The following CPSF1 variants were observed in gnomAD, a reference collection of about 807,000 sequenced individuals.
CPSF1 encodes cleavage and polyadenylation specific factor 1, also known as cleavage and polyadenylation specificity factor subunit 1.
In CPSF1, 106 loss-of-function variants were observed where a neutral mutation model predicts 175.8. The observed-to-expected ratio is 0.60, with a 90% CI of 0.52 to 0.71. The LOEUF (loss-of-function observed/expected upper bound fraction) is 0.71, where lower values mean the gene tolerates loss of function less well. CPSF1 is among the 30% of genes least tolerant of loss of function. CPSF1 has a pLI of 0.00. For synonymous variants in CPSF1, 1,024 were observed against 858.3 expected, an observed-to-expected ratio of 1.19 and a Z score of -3.37; for missense variants, 1,734 against 2,022.9, an observed-to-expected ratio of 0.86 and a Z score of 2.74.
In CPSF1 at chr8:144,401,688, A is replaced by G; in HGVS notation, c.145-15T>C. The G allele has an allele frequency of 6.2e-7, 1 of 1,602,120 alleles. No individual in the cohort carries two copies. Among genetic ancestry groups the G allele is most frequent in the Middle Eastern group, 1.7e-4 (1 of 5,910 alleles). On this transcript the variant is annotated splice_polypyrimidine_tract_variant and intron_variant, in intron 2 of 37. Transcript: ENST00000616140. Reference sequence around the variant, plus strand: ...TTGGTCAGAGCCTGGAGGGGAGAGAAAGACAGGGCAGTGAGGGGCCACATC... The same window carrying G: ...TTGGTCAGAGCCTGGAGGGGAGAGAGAGACAGGGCAGTGAGGGGCCACATC...
chr8:144,395,746 C>A lies in CPSF1; in HGVS notation c.2980-195G>T, dbSNP rs1256690951. On this transcript the variant is annotated intron_variant, in intron 26 of 37. Coordinates refer to ENST00000616140, the MANE Select transcript of CPSF1 (RefSeq NM_013291.3). ...CTGGGGCTCCTCCTGTCCATTTTCC[C>A]ACGCTCAGCTGGGGCTAGGGGTGCT... is the stretch of plus-strand genomic sequence containing the variant. The A allele has an allele frequency of 1.5e-5, 9 of 605,638 alleles. No individual in the cohort carries two copies. The East Asian group carries it at 2.5e-4, about 17-fold the overall frequency. 37.5% of individuals were successfully genotyped at this position (605,638 alleles called of 1,614,324 possible).
chr8:144,399,237 G>C lies in CPSF1; in HGVS notation c.1393-35C>G. The stretch of plus-strand genomic sequence containing the variant: ...AGCAAGAGTCAGGGGCCCGCTGGGG[G>C]CGCTGGCTGGGACGGGGGCCCTGCT... On this transcript the variant is annotated intron_variant, in intron 14 of 37. Transcript: ENST00000616140. The surrounding 1 kb of genome is among the most constrained non-coding windows in gnomAD (Gnocchi z 6.4). The C allele has an allele frequency of 6.2e-7, 1 of 1,611,922 alleles. No individual in the cohort carries two copies. The highest frequency in any genetic ancestry group is 8.5e-7 in the Non-Finnish European group (1 of 1,179,648).
In CPSF1 at chr8:144,394,810, G is replaced by A. The variant is rs1408941474; in HGVS notation, c.3415-14C>T. The stretch of plus-strand genomic sequence containing the variant: ...CATGATCAAGATCTGGAGGGCATGG[G>A]TATGGCTGTGGGATGGCTGTGGGGA... On this transcript the variant is annotated splice_polypyrimidine_tract_variant and intron_variant, in intron 30 of 37. Coordinates refer to ENST00000616140, the MANE Select transcript of CPSF1 (RefSeq NM_013291.3). The A allele has an allele frequency of 6.2e-7, 1 of 1,613,410 alleles. No homozygotes were observed. The highest frequency in any genetic ancestry group is 2.2e-5 in the East Asian group (1 of 44,878).
Position 144,397,357 on chromosome 8 carries a change from C to T in CPSF1, c.2442G>A (p.Gly814=), listed in dbSNP as rs1554864339. Residue 814 remains glycine (G), a synonymous_variant, in exon 23 of 38, where the codon GGG becomes GGA. Transcript: ENST00000616140. ...LVFLVKNFPV[G]QRVLVDSSFG... The stretch of plus-strand genomic sequence containing the variant: ...AGGAGCTGTCCACAAGGACCCGCTG[C>T]CCCACAGGGAAGTTCTTCACCAGGA... The T allele has an allele frequency of 2.6e-6, 4 of 1,564,738 alleles. No homozygotes were observed. The highest frequency in any genetic ancestry group is 3.5e-6 in the Non-Finnish European group (4 of 1,155,120).
In CPSF1 at chr8:144,393,515, G is replaced by A. The variant is rs782299673; in HGVS notation, c.4221C>T (p.Tyr1407=). The A allele has an allele frequency of 1.3e-6, 2 of 1,591,626 alleles. No homozygotes were observed. Among genetic ancestry groups the A allele is most frequent in the Admixed American group, 1.8e-5 (1 of 55,874 alleles). ...NVLDGELLNR[Y]LYLSTMERSE... ...TGCGCTCCATGGTGCTCAGGTACAG[G>A]TAGCGGTTGAGCAGCTCCCCATCCA... The change falls in exon 37 of 38, where the codon TAC becomes TAT. Residue 1407 remains tyrosine (Y), a synonymous_variant. Coordinates refer to ENST00000616140, the MANE Select transcript of CPSF1 (RefSeq NM_013291.3).
chr8:144,407,588 G>T (rs565224968), intron 2 of CPSF1, among the ~76,000 whole-genome samples: 4 of 152,122 alleles, frequency 2.6e-5, no homozygotes, highest in Non-Finnish European at 5.9e-5. Context: ...TTGGTGGAGG[G>T]TTTAGGGAGC....
At position 144,393,261 on chromosome 8, in the gene CPSF1, G is replaced by A. The variant is rs1237358496; in HGVS notation, c.*57C>T. ...CAAAAAATGTTTTTCCTTGTGTTTT[G>A]TACAAAAAGGGGGTGGGAGGTAGTT... On this transcript the variant is annotated 3_prime_UTR_variant, in exon 38 of 38. Transcript: ENST00000616140. The A allele has an allele frequency of 1.4e-6, 2 of 1,446,154 alleles. No individual in the cohort carries two copies. Among genetic ancestry groups the A allele is most frequent in the South Asian group, 2.8e-5 (2 of 70,270 alleles). 89.6% of individuals were successfully genotyped at this position (1,446,154 alleles called of 1,614,324 possible). A position where few individuals can be genotyped will look rare whatever the true frequency, so the allele number is the denominator to read the frequency against.
intron 9 of CPSF1, 31 bp downstream of exon 9, chr8:144,400,135 G>GGGGGGCCGCCCCCC: frequency 1.1e-6 from 1 of 896,012 alleles, no homozygotes; most frequent in Non-Finnish European, 1.6e-6. Flanking sequence ...CCGTCCCCGG[G>GGGGGGCCGCCCCCC]CCCCCCCCGC....
chr8:144,398,370 G>A lies in CPSF1; in HGVS notation c.1826C>T (p.Ala609Val). The part of the protein sequence containing the change: ...GFATQGPTVF[A>V]GNIGDNRYIV... ...GTAGCGGTTGTCCCCGATGTTCCCAGCAAAGACCGTGGGGCCCTGAGTGGC... is the reference window on the plus strand; with the variant it reads ...GTAGCGGTTGTCCCCGATGTTCCCAACAAAGACCGTGGGGCCCTGAGTGGC... Residue 609 changes from alanine to valine, a missense_variant, in exon 19 of 38, where the codon GCT becomes GTT. Physicochemically the swap from Ala to Val is moderately conservative, Grantham distance 64. Around this residue, in one of 10 missense-constraint regions of CPSF1, gnomAD observed 280 missense variants for 349.2 expected, o/e 0.80. Coordinates refer to ENST00000616140, the MANE Select transcript of CPSF1 (RefSeq NM_013291.3). The A allele has an allele frequency of 6.2e-7, 1 of 1,608,758 alleles. No homozygotes were observed.
Position 144,396,679 on chromosome 8 carries a change from A to C in CPSF1, c.2745T>G (p.Gly915=). 1 of 1,613,780 alleles carries C rather than the reference A, an allele frequency of 6.2e-7. No individual in the cohort carries two copies. The highest frequency in any genetic ancestry group is 8.5e-7 in the Non-Finnish European group (1 of 1,179,986). Residue 915 remains glycine (G), a synonymous_variant, in exon 25 of 38, where the codon GGT becomes GGG. Transcript: ENST00000616140. ...CCCCAGCCCCCTCCTCTGCGCCGCCACCTTCTGCTTTCTTCTTGGATGGCT... is the reference window on the plus strand; with the variant it reads ...CCCCAGCCCCCTCCTCTGCGCCGCCCCCTTCTGCTTTCTTCTTGGATGGCT... ...KPKPSKKKAE[G]GGAEEGAGAR...
intron 4 of CPSF1, 22 bp from the exon 5 acceptor site, chr8:144,401,313 G>A (rs1321471333): frequency 8.8e-6 from 14 of 1,585,460 alleles, no homozygotes; most frequent in Middle Eastern, 1.7e-4. Flanking sequence ...GGGCACAGCC[G>A]TGGCTGCCGA....
In CPSF1 at chr8:144,400,134, G is replaced by GCCCCCCCCCCCCCCCCCC. The variant is rs782373475; in HGVS notation, c.937+31_937+32insGGGGGGGGGGGGGGGGGG. 7.1e-5 allele frequency: 69 copies of GCCCCCCCCCCCCCCCCCC among 966,526 alleles called. 3 individuals are homozygous for GCCCCCCCCCCCCCCCCCC. The highest frequency in any genetic ancestry group is 1.9e-4 in the African/African-American group (8 of 42,724). The allele number at this position is 966,526 out of a possible 1,614,324, so 59.9% of individuals were successfully genotyped here. On this transcript the variant is annotated intron_variant, in intron 9 of 37. Coordinates refer to ENST00000616140, the MANE Select transcript of CPSF1 (RefSeq NM_013291.3). The stretch of plus-strand genomic sequence containing the variant: ...ACTAGGCAGGCCCAAGCCGTCCCCG[G>GCCCCCCCCCCCCCCCCCC]GCCCCCCCCGCCCCAGCCACCCCAC...
Position 144,396,433 on chromosome 8 carries a change from G to C in CPSF1, c.2894C>G (p.Pro965Arg). The C allele has an allele frequency of 6.3e-7, 1 of 1,596,300 alleles. No individual in the cohort carries two copies. Residue 965 changes from proline to arginine, a missense_variant, in exon 26 of 38, where the codon CCC (proline) becomes CGC (arginine). This residue lies in a region of CPSF1 where 585 missense variants were observed against 584.7 expected (regional missense o/e 1.00). Coordinates refer to ENST00000616140, the MANE Select transcript of CPSF1 (RefSeq NM_013291.3). ...GTCGACCGGGCCGTCGATGGCCATG[G>C]GGTGTAGCCGCAGAGCCCCTCGGCC... The part of the protein sequence containing the change: ...VTGRGALRLH[P>R]MAIDGPVDSF...
chr8:144,401,751 C>A, intron 2 of CPSF1, 78 bp from the exon 3 acceptor site: 1 of 1,450,488 alleles, frequency 6.9e-7, no homozygotes, highest in South Asian at 1.3e-5. Flanking sequence ...GAAAAGACCA[C>A]CAAGCCTGGC....
rs781945845 is a variant in CPSF1 at position 144,393,635 on chromosome 8, G to A, written c.4145+32C>T. 1.1e-5 allele frequency: 18 copies of A among 1,585,468 alleles called. No individual in the cohort carries two copies. The East Asian group carries it at 2.7e-4, about 24-fold the overall frequency. On this transcript the variant is annotated intron_variant, in intron 36 of 37. Coordinates refer to ENST00000616140, the MANE Select transcript of CPSF1 (RefSeq NM_013291.3). ...GTGTCAGGGCAGGCTGGGGTGGAGG[G>A]GGTGCTGCACGGGGGCGGGGCCGGG...
In CPSF1 at chr8:144,398,811, A is replaced by C; in HGVS notation, c.1606T>G (p.Trp536Gly). 2 of 1,607,626 alleles carry C rather than the reference A, an allele frequency of 1.2e-6. No homozygotes were observed. The highest frequency in any genetic ancestry group is 1.7e-6 in the Non-Finnish European group (2 of 1,175,676). Residue 536 changes from tryptophan (W) to glycine (G), a missense_variant, in exon 17 of 38, where the codon TGG becomes GGG. Trp to Gly is a radical substitution (Grantham distance 184, BLOSUM62 -2). Coordinates refer to ENST00000616140, the MANE Select transcript of CPSF1 (RefSeq NM_013291.3). ...TFELPGCYDM[W>G]TVIAPVRKEE... ...TTACGCACCGGGGCGATGACTGTCC[A>C]CATGTCATAGCAGCCGGGAAGCTCA...
At position 144,398,540 on chromosome 8, in the gene CPSF1, C is replaced by G; in HGVS notation, c.1737G>C (p.Arg579=). 1 of 1,613,856 alleles carries G rather than the reference C, an allele frequency of 6.2e-7. No individual in the cohort carries two copies. The highest frequency in any genetic ancestry group is 1.1e-5 in the South Asian group (1 of 91,076). Residue 579 remains arginine (R), a synonymous_variant, in exon 18 of 38, where the codon CGG becomes CGC. Coordinates refer to ENST00000616140, the MANE Select transcript of CPSF1 (RefSeq NM_013291.3). The part of the protein sequence containing the change: ...GRRHGFLILS[R]EDSTMILQTG... ...TGCCCCTCACCATGGTGGAGTCTTC[C>G]CGGCTCAGAATCAGGAATCCGTGTC...
In CPSF1 at chr8:144,398,432, C is replaced by T. The variant is rs200532283; in HGVS notation, c.1764G>A (p.Thr588=). 21 of 1,613,866 alleles carry T rather than the reference C, an allele frequency of 1.3e-5. No individual in the cohort carries two copies. The highest frequency in any genetic ancestry group is 1.1e-4 in the East Asian group (5 of 44,882). The change falls in exon 19 of 38, where the codon ACG becomes ACA. Residue 588 remains threonine, a synonymous_variant. Transcript: ENST00000616140. The part of the protein sequence containing the change: ...SREDSTMILQ[T]GQEIMELDTS... ...TGTCCAGCTCCATGATCTCCTGCCC[C>T]GTCTGCAGGATCTGCGGGCGACAGC...
At position 144,395,270 on chromosome 8, in the gene CPSF1, T is replaced by C. The variant is rs1554863299; in HGVS notation, c.3182A>G (p.Glu1061Gly). Residue 1061 changes from glutamate to glycine, a missense_variant, in exon 28 of 38, where the codon GAG (glutamate) becomes GGG (glycine). Around this residue, in one of 10 missense-constraint regions of CPSF1, gnomAD observed 585 missense variants for 584.7 expected, o/e 1.00. Coordinates refer to ENST00000616140, the MANE Select transcript of CPSF1 (RefSeq NM_013291.3). ...TATGGTGTGGGCGTCACCACCTCTC[T>C]CGATGGTCTCAAACTCCTTCTCCTC... Reference protein sequence around the residue: ...TGEEKEFETIERDERYIHPQQ... With the variant: ...TGEEKEFETIGRDERYIHPQQ... The C allele has an allele frequency of 1.2e-6, 2 of 1,613,018 alleles. No individual in the cohort carries two copies. The highest frequency in any genetic ancestry group is 1.7e-6 in the Non-Finnish European group (2 of 1,179,908).
Sources: allele counts gnomAD v4.1 joint callset (sites outside exome capture counted in the v4.1 genomes callset), GRCh38; gene constraint gnomAD v4.1.1; regional missense constraint gnomAD v4.1.1; non-coding constraint Gnocchi (gnomAD v3.1); transcripts MANE v1.5; gene names NCBI Gene and HGNC (gene_info 2026-07-23, HGNC 2026-07-21).